The following GLB1 variants were observed in gnomAD, a reference collection of about 807,000 sequenced individuals.
The protein encoded by GLB1 is beta-galactosidase.
A neutral mutation model predicts 74.0 loss-of-function variants in GLB1; 56 were observed. The observed-to-expected ratio is 0.76, with a 90% CI of 0.61 to 0.94. GLB1 has a LOEUF of 0.94. Among genes scored for constraint, GLB1 ranks in the 40% least tolerant of loss-of-function variants. The probability of loss-of-function intolerance (pLI) is 0.00; values close to 1 mark genes in which losing one functional copy is unlikely to be tolerated. For synonymous variants in GLB1, 323 were observed against 323.6 expected (o/e 1.00, Z 0.02); for missense variants, 787 against 845.5 (o/e 0.93, Z 0.86).
At chr3:33,077,347 T>G in intron 1 of GLB1, 1 of 1,489,494 alleles carries the variant, frequency 6.7e-7, no homozygotes, top group South Asian at 1.1e-5. Flanking sequence ...AAGCCTGTTG[T>G]GAACGATAGG....
downstream of GLB1, among the ~76,000 whole-genome samples, chr3:32,995,181 C>T (rs1244552048): frequency 6.6e-6 from 1 of 152,040 alleles, no homozygotes; most frequent in Non-Finnish European, 1.5e-5. Flanking sequence ...AAATATAAGG[C>T]AAGTGTACAC....
intron 1 of GLB1, among the ~76,000 whole-genome samples, chr3:33,080,609 C>T (rs1313907055): frequency 6.6e-6 from 1 of 152,208 alleles, no homozygotes; most frequent in East Asian, 1.9e-4. Context: ...GGGTGGAGAA[C>T]TGCATTCTCT....
chr3:33,002,355 T>C (rs866630234), intron 15 of GLB1, among the ~76,000 whole-genome samples: 649 of 24,894 alleles, frequency 0.026, 2 homozygotes, highest in African/African-American at 0.028. Context: ...CTCCCTTCCT[T>C]CCTTCCTTCC....
downstream of GLB1, among the ~76,000 whole-genome samples, chr3:32,994,685 C>T (rs1445286210): frequency 6.6e-6 from 1 of 152,030 alleles, no homozygotes; most frequent in Non-Finnish European, 1.5e-5. Context: ...ATTTGGGAGG[C>T]CCAGGTGGGT....
chr3:33,020,073 C>G (rs927354217), intron 12 of GLB1, among the ~76,000 whole-genome samples: 3 of 152,196 alleles, frequency 2.0e-5, no homozygotes, highest in African/African-American at 7.2e-5. Context: ...GCTCTGGGAT[C>G]ATTGTCTGAA....
chr3:33,023,081 ATATT>A (rs1286338178), intron 11 of GLB1, among the ~76,000 whole-genome samples: 1 of 152,230 alleles, frequency 6.6e-6, no homozygotes, highest in Non-Finnish European at 1.5e-5. Flanking sequence ...TCAACTGTAT[ATATT>A]TATTTAAAAA....
At chr3:33,034,428 A>G in intron 10 of GLB1, 5 of 739,838 alleles carry the variant, frequency 6.8e-6, no homozygotes, top group South Asian at 1.5e-5. Flanking sequence ...GGCTGTGACA[A>G]CCTCTTCAAG....
At chr3:33,012,660 G>A (rs751758364) in intron 15 of GLB1, among the ~76,000 whole-genome samples, 4 of 152,006 alleles carry the variant, frequency 2.6e-5, no homozygotes, top group Admixed American at 6.6e-5. Flanking sequence ...AAACACAATT[G>A]GTCTAAATTC....
chr3:33,033,589 C>G (rs1288305914), intron 10 of GLB1, among the ~76,000 whole-genome samples: 1 of 152,064 alleles, frequency 6.6e-6, no homozygotes, highest in Non-Finnish European at 1.5e-5. Flanking sequence ...TCGAGACCAG[C>G]CTGGTCAACA....
the GLB1 span, among the ~76,000 whole-genome samples, chr3:32,981,759 C>T: frequency 7.4e-5 from 11 of 148,944 alleles, no homozygotes; most frequent in Middle Eastern, 3.6e-3. Flanking sequence ...GGAGACAGAG[C>T]GAGACTCCAT....
chr3:33,031,640 AATATATATATATATATATATATAT>A (rs59839075), intron 10 of GLB1, among the ~76,000 whole-genome samples: 17 of 35,758 alleles, frequency 4.8e-4, no homozygotes, highest in African/African-American at 1.6e-3. Context: ...AAAAAAAAAA[AATATATATATATATATATATATAT>A]ATATATATAT....
chr3:33,093,525 G>C lies in GLB1; in HGVS notation c.75+3486C>G. On this transcript the variant is annotated intron_variant, in intron 1 of 15. Coordinates refer to ENST00000307363, the MANE Select transcript of GLB1 (RefSeq NM_000404.4). The surrounding 1 kb of genome is among the most constrained non-coding windows in gnomAD (Gnocchi z 6.0). ...CATCCTCACAAACATTTCCATCTTG[G>C]TCCTGCCCACTGTGGGGCCCAAGTG... The C allele has an allele frequency of 6.2e-7, 1 of 1,614,178 alleles. No individual in the cohort carries two copies. The highest frequency in any genetic ancestry group is 8.5e-7 in the Non-Finnish European group (1 of 1,180,038).
At chr3:32,995,892 A>C (rs963472674), downstream of GLB1, among the ~76,000 whole-genome samples, 3 of 152,122 alleles carry the variant, frequency 2.0e-5, no homozygotes, top group African/African-American at 7.2e-5. Context: ...ATAATTAAAA[A>C]TACAGATAAG....
chr3:33,096,439 G>T, intron 1 of GLB1: 1 of 984,154 alleles, frequency 1.0e-6, no homozygotes, highest in Non-Finnish European at 1.2e-6. Context: ...AAGGAAAACG[G>T]TCCCACAAAT....
chr3:33,078,931 AC>A (rs1221283283), intron 1 of GLB1, among the ~76,000 whole-genome samples: 3 of 151,864 alleles, frequency 2.0e-5, no homozygotes, highest in African/African-American at 7.3e-5. Flanking sequence ...GCAGTCTTGA[AC>A]TCCTGGGTTC....
chr3:33,034,572 C>T (rs960285289), intron 10 of GLB1: 2 of 721,698 alleles, frequency 2.8e-6, no homozygotes, highest in South Asian at 3.1e-5. Context: ...TTCATCTGGA[C>T]CTGTGATGAT....
intron 1 of GLB1, chr3:33,091,877 G>C: frequency 1.0e-6 from 1 of 985,418 alleles, no homozygotes; most frequent in South Asian, 4.7e-5. Context: ...CTCCATCTCA[G>C]GATCAAAGGA....
intron 9 of GLB1, 133 bp from the exon 10 acceptor site, chr3:33,046,365 A>G: frequency 9.8e-7 from 1 of 1,020,114 alleles, no homozygotes; most frequent in Non-Finnish European, 1.5e-6. Flanking sequence ...TGGGAGACAC[A>G]GACGTGACCC....
chr3:32,991,837 A>G (rs1473566187), downstream of GLB1, among the ~76,000 whole-genome samples: 1 of 152,226 alleles, frequency 6.6e-6, no homozygotes, highest in Non-Finnish European at 1.5e-5. Flanking sequence ...ACGTCACAGA[A>G]CAAAGACAAG....
Sources: gnomAD v4.1 joint callset for allele counts (sites outside exome capture counted in the v4.1 genomes callset) on GRCh38, gnomAD v4.1.1 for gene constraint, Gnocchi (gnomAD v3.1) non-coding constraint, MANE v1.5 for transcripts, NCBI Gene and HGNC (gene_info 2026-07-23, HGNC 2026-07-21) for gene names.